NCKAP5: variants seen among roughly 807,000 people sequenced by gnomAD.
NCKAP5 encodes the protein nck-associated protein 5.
A neutral mutation model predicts 167.0 loss-of-function variants in NCKAP5; 92 were observed. The observed-to-expected ratio is 0.55, with a 90% CI of 0.47 to 0.66. The LOEUF (loss-of-function observed/expected upper bound fraction) is 0.66, where lower values mean the gene tolerates loss of function less well. NCKAP5 is among the 30% of genes least tolerant of loss of function. The pLI is 0.00. For missense variants in NCKAP5, 2,378 were observed against 2,315.0 expected, an observed-to-expected ratio of 1.03 and a Z score of -0.56; for synonymous variants, 891 against 877.4, an observed-to-expected ratio of 1.02 and a Z score of -0.27.
At chr2:133,408,222 A>T (rs1688560976) in intron 3 of NCKAP5, among the ~76,000 whole-genome samples, 1 of 152,154 alleles carries the variant, frequency 6.6e-6, no homozygotes, top group African/African-American at 2.4e-5. Flanking sequence ...AGAAGCCTTG[A>T]GCTCTCCTCT....
chr2:132,737,288 C>T (rs897013236), intron 16 of NCKAP5, among the ~76,000 whole-genome samples: 1 of 152,144 alleles, frequency 6.6e-6, no homozygotes, highest in Non-Finnish European at 1.5e-5. Flanking sequence ...TTTACTGACA[C>T]CTTGAATACA....
At position 132,782,836 on chromosome 2, in the gene NCKAP5, C is replaced by T. The variant is rs1475792366; in HGVS notation, c.3975G>A (p.Lys1325=). 1 of 1,613,898 alleles carries T rather than the reference C, an allele frequency of 6.2e-7. No homozygotes were observed. The highest frequency in any genetic ancestry group is 1.3e-5 in the African/African-American group (1 of 75,016). Residue 1325 remains lysine, a synonymous_variant, in exon 14 of 20, where the codon AAG becomes AAA. Transcript: ENST00000409261. The part of the protein sequence containing the change: ...QNSSTESSPN[K]APSAPMLESL... ...TCTCCAACATGGGAGCAGAAGGGGC[C>T]TTGTTGGGAGAGCTTTCCGTGGAAG... is the stretch of plus-strand genomic sequence containing the variant.
intron 19 of NCKAP5, among the ~76,000 whole-genome samples, chr2:132,699,003 C>T (rs1052663587): frequency 1.3e-5 from 2 of 152,178 alleles, no homozygotes; most frequent in African/African-American, 4.8e-5. Flanking sequence ...TAAAGATTTA[C>T]CACAATATAC....
chr2:132,989,149 G>T (rs985757566), intron 7 of NCKAP5, among the ~76,000 whole-genome samples: 6 of 152,216 alleles, frequency 3.9e-5, no homozygotes, highest in Admixed American at 3.9e-4. Context: ...GCCCTGTAAA[G>T]GGGGTAACCC....
chr2:133,192,568 A>C (rs1172917621), intron 5 of NCKAP5, among the ~76,000 whole-genome samples: 2 of 152,102 alleles, frequency 1.3e-5, no homozygotes, highest in African/African-American at 4.8e-5. Flanking sequence ...AAAAAAATAC[A>C]ATTCAATTAG....
At chr2:133,499,521 A>T (rs1237843067) in intron 3 of NCKAP5, among the ~76,000 whole-genome samples, 1 of 150,872 alleles carries the variant, frequency 6.6e-6, no homozygotes, top group Admixed American at 6.6e-5. Flanking sequence ...TCAATGCTGA[A>T]GAAAAGTGAC....
At position 132,692,780 on chromosome 2, in the gene NCKAP5, T is replaced by G. The variant is rs551749572; in HGVS notation, c.5714-19475A>C. 4.6e-5 allele frequency among the ~76,000 whole-genome samples: 7 copies of G among 152,318 alleles called. No individual in the cohort carries two copies. In the East Asian group the frequency reaches 1.4e-3, roughly 29 times the overall value. On this transcript the variant is annotated intron_variant, in intron 19 of 19. Transcript: ENST00000409261. ...AACCAAGGTACTGCTTGGTAGTTAT[T>G]ACACGAGCTAAGTTAATAAAGTTGA...
chr2:132,970,963 G>A (rs554974504), intron 7 of NCKAP5, among the ~76,000 whole-genome samples: 96 of 152,306 alleles, frequency 6.3e-4, no homozygotes, highest in African/African-American at 2.3e-3. Flanking sequence ...CCAGGACACA[G>A]GAGGACTCAA....
intron 6 of NCKAP5, among the ~76,000 whole-genome samples, chr2:133,078,176 T>A (rs2080675845): frequency 6.6e-6 from 1 of 152,180 alleles, no homozygotes; most frequent in Non-Finnish European, 1.5e-5. Context: ...GCAGGAACTG[T>A]TCTTGGATCA....
intron 6 of NCKAP5, among the ~76,000 whole-genome samples, chr2:133,029,973 G>T (rs2078828569): frequency 6.6e-6 from 1 of 152,150 alleles, no homozygotes; most frequent in Non-Finnish European, 1.5e-5. Context: ...AAGATTGGCT[G>T]CCCAAATCAA....
chr2:133,374,907 T>C (rs1306595010), intron 3 of NCKAP5, among the ~76,000 whole-genome samples: 1 of 152,162 alleles, frequency 6.6e-6, no homozygotes, highest in South Asian at 2.1e-4. Context: ...AAATTAACTG[T>C]CTTTTCTGCG....
intron 8 of NCKAP5, among the ~76,000 whole-genome samples, chr2:132,952,226 T>A (rs529014660): frequency 5.9e-5 from 9 of 152,330 alleles, no homozygotes; most frequent in Non-Finnish European, 1.3e-4. Flanking sequence ...ATAGTTCATT[T>A]TTCTTCTTTG....
chr2:133,471,957 A>G (rs908194033), intron 3 of NCKAP5, among the ~76,000 whole-genome samples: 7 of 152,114 alleles, frequency 4.6e-5, no homozygotes, highest in African/African-American at 9.7e-5. Context: ...TTTTCTTTTT[A>G]TCTCAACTTA....
At chr2:133,132,219 G>A (rs906701662) in intron 5 of NCKAP5, among the ~76,000 whole-genome samples, 56 of 151,238 alleles carry the variant, frequency 3.7e-4, no homozygotes, top group African/African-American at 1.3e-3. Flanking sequence ...CCCAGGAGGC[G>A]GAGGTTGCAG....
chr2:133,590,834 T>G, the NCKAP5 span, among the ~76,000 whole-genome samples: 1 of 152,206 alleles, frequency 6.6e-6, no homozygotes, highest in Non-Finnish European at 1.5e-5. Flanking sequence ...GTTTTCTTGA[T>G]GCCTTCTCAT....
At chr2:132,917,168 T>C (rs1264186496) in intron 8 of NCKAP5, among the ~76,000 whole-genome samples, 1 of 152,244 alleles carries the variant, frequency 6.6e-6, no homozygotes, top group Admixed American at 6.5e-5. Context: ...CCAAGGTAAC[T>C]GAAAATATGT....
At chr2:133,450,134 C>T (rs752344781) in intron 3 of NCKAP5, among the ~76,000 whole-genome samples, 4 of 143,756 alleles carry the variant, frequency 2.8e-5, no homozygotes, top group East Asian at 1.9e-4. Context: ...CGCACACACA[C>T]GCGCGTGCGT....
chr2:133,538,026 T>C (rs1361260047), intron 2 of NCKAP5, among the ~76,000 whole-genome samples: 1 of 152,128 alleles, frequency 6.6e-6, no homozygotes, highest in Non-Finnish European at 1.5e-5. Flanking sequence ...AATACCCTCA[T>C]CATTTCAAGC....
At chr2:133,653,797 T>C in the NCKAP5 span, among the ~76,000 whole-genome samples, 1 of 152,190 alleles carries the variant, frequency 6.6e-6, no homozygotes, top group Non-Finnish European at 1.5e-5. Flanking sequence ...TCTGTGGAAA[T>C]TAGCCTTTCT....
Sources: gnomAD v4.1 joint callset for allele counts (sites outside exome capture counted in the v4.1 genomes callset) on GRCh38, gnomAD v4.1.1 for gene constraint, MANE v1.5 for transcripts, NCBI Gene and HGNC (gene_info 2026-07-23, HGNC 2026-07-21) for gene names.